KCNJ6: variants seen among roughly 807,000 people sequenced by gnomAD.
KCNJ6 encodes potassium inwardly rectifying channel subfamily J member 6.
KCNJ6 carries 9 observed loss-of-function variants against 34.2 expected under a neutral mutation model. The observed-to-expected ratio is 0.26, with a 90% CI of 0.16 to 0.46. The LOEUF (loss-of-function observed/expected upper bound fraction) is 0.46. Ranked by LOEUF, KCNJ6 falls within the 20% of genes least tolerant of loss-of-function variation. KCNJ6 has a pLI of 1.00. For synonymous variants in KCNJ6, 196 were observed against 207.1 expected (o/e 0.95, Z 0.46); for missense variants, 236 against 531.3 (o/e 0.44, Z 5.46).
chr21:37,793,324 A>T (rs1030578001), intron 2 of KCNJ6, among the ~76,000 whole-genome samples: 1 of 152,176 alleles, frequency 6.6e-6, no homozygotes, highest in African/African-American at 2.4e-5. Context: ...CTATGAAGAC[A>T]ACCAGACCTG....
intron 1 of KCNJ6, among the ~76,000 whole-genome samples, chr21:37,904,842 A>G (rs977602948): frequency 1.3e-5 from 2 of 152,036 alleles, no homozygotes; most frequent in Non-Finnish European, 2.9e-5. Context: ...AAATGGTCTC[A>G]TCATATTCAG....
intron 2 of KCNJ6, among the ~76,000 whole-genome samples, chr21:37,774,494 C>G (rs1425696617): frequency 6.9e-6 from 1 of 145,590 alleles, no homozygotes; most frequent in African/African-American, 2.5e-5. Flanking sequence ...TGCTATCCCT[C>G]CCCCCCTCCC....
At chr21:37,654,078 A>G (rs530476494) in intron 3 of KCNJ6, among the ~76,000 whole-genome samples, 4 of 151,248 alleles carry the variant, frequency 2.6e-5, no homozygotes, top group Non-Finnish European at 4.4e-5. Context: ...GTCTCTCAGA[A>G]TCCAAGAAAA....
At chr21:37,816,166 A>G (rs145430704) in intron 2 of KCNJ6, among the ~76,000 whole-genome samples, 2,147 of 152,270 alleles carry the variant, frequency 0.014, 14 homozygotes, top group Middle Eastern at 0.027. Flanking sequence ...GGGGAGTCCA[A>G]TGCCTGCCGC....
intron 1 of KCNJ6, among the ~76,000 whole-genome samples, chr21:37,884,031 T>C (rs962797455): frequency 3.9e-5 from 6 of 152,190 alleles, no homozygotes; most frequent in Non-Finnish European, 5.9e-5. Context: ...GGTAAGTCTA[T>C]GTGTCTCCTG....
intron 3 of KCNJ6, among the ~76,000 whole-genome samples, chr21:37,684,306 G>A (rs1170067644): frequency 6.6e-6 from 1 of 151,456 alleles, no homozygotes; most frequent in East Asian, 1.9e-4. Flanking sequence ...TCTTCACACG[G>A]CCTTCTCCCC....
At chr21:37,671,632 C>G (rs1031190665) in intron 3 of KCNJ6, among the ~76,000 whole-genome samples, 1 of 152,208 alleles carries the variant, frequency 6.6e-6, no homozygotes, top group African/African-American at 2.4e-5. Context: ...CTGGCATCTG[C>G]CGGGGTGGGG....
At chr21:37,626,130 C>CTTTTTT (rs10649366) in intron 3 of KCNJ6, among the ~76,000 whole-genome samples, 6 of 143,042 alleles carry the variant, frequency 4.2e-5, no homozygotes, top group African/African-American at 5.2e-5. Context: ...TTTCCCCCTT[C>CTTTTTT]TTTTTTTTTT....
intron 3 of KCNJ6, among the ~76,000 whole-genome samples, chr21:37,631,051 T>C (rs1444425241): frequency 4.6e-5 from 7 of 152,198 alleles, no homozygotes; most frequent in Non-Finnish European, 2.9e-5. Context: ...ACAGCACTTA[T>C]CAGAGTGTTT....
At chr21:37,767,611 G>A (rs967895171) in intron 2 of KCNJ6, among the ~76,000 whole-genome samples, 3 of 152,166 alleles carry the variant, frequency 2.0e-5, no homozygotes, top group Non-Finnish European at 4.4e-5. Flanking sequence ...TCAATACTGC[G>A]GAAGCTGAGA....
At chr21:37,689,262 G>A (rs1464102790) in intron 3 of KCNJ6, among the ~76,000 whole-genome samples, 1 of 152,166 alleles carries the variant, frequency 6.6e-6, no homozygotes, top group Non-Finnish European at 1.5e-5. Flanking sequence ...ACCATACTTA[G>A]TGAGATGAAA....
intron 3 of KCNJ6, among the ~76,000 whole-genome samples, chr21:37,660,568 A>G (rs555805952): frequency 8.5e-5 from 13 of 152,328 alleles, no homozygotes; most frequent in African/African-American, 2.9e-4. Context: ...TGTTCCCATA[A>G]GGACCAAACA....
chr21:37,846,881 A>G (rs1238305287), intron 1 of KCNJ6, among the ~76,000 whole-genome samples: 1 of 151,790 alleles, frequency 6.6e-6, no homozygotes, highest in Non-Finnish European at 1.5e-5. Flanking sequence ...GCCCCTCCTC[A>G]CCTTCCCCCC....
chr21:37,861,929 T>C (rs188624870), intron 1 of KCNJ6, among the ~76,000 whole-genome samples: 9 of 152,282 alleles, frequency 5.9e-5, no homozygotes, highest in Admixed American at 2.6e-4. Context: ...AGGGTGTGGG[T>C]ACCCTGAGCT....
chr21:37,848,000 C>A (rs2055518384), intron 1 of KCNJ6, among the ~76,000 whole-genome samples: 1 of 152,158 alleles, frequency 6.6e-6, no homozygotes, highest in Non-Finnish European at 1.5e-5. Context: ...TGAGGAGCAG[C>A]AGGTCACAGG....
intron 2 of KCNJ6, among the ~76,000 whole-genome samples, chr21:37,822,808 T>C (rs909051661): frequency 6.6e-6 from 1 of 152,160 alleles, no homozygotes; most frequent in Non-Finnish European, 1.5e-5. Flanking sequence ...TTTTAATAAA[T>C]ATTTAGATTG....
At chr21:37,860,224 G>A (rs758793388) in intron 1 of KCNJ6, among the ~76,000 whole-genome samples, 1 of 152,004 alleles carries the variant, frequency 6.6e-6, no homozygotes, top group South Asian at 2.1e-4. Flanking sequence ...TCATAATTTA[G>A]CCCTTAATTG....
At chr21:37,762,817 C>A (rs57588802) in intron 2 of KCNJ6, among the ~76,000 whole-genome samples, 7,770 of 152,272 alleles carry the variant, frequency 0.051, 662 homozygotes, top group African/African-American at 0.18. Flanking sequence ...AGCCCCACTC[C>A]AAGCCAATGA....
At position 37,865,144 on chromosome 21, in the gene KCNJ6, C is replaced by T. The variant is rs139510937; in HGVS notation, c.-27-24435G>A. On this transcript the variant is annotated intron_variant, in intron 1 of 3. Coordinates refer to ENST00000609713, the MANE Select transcript of KCNJ6 (RefSeq NM_002240.5). Reference sequence around the variant, plus strand: ...AAACATAATTTGTGTACAGAAACTCCGTGTAGGAGTGTTAGAAAAGCTGGA... The same window carrying T: ...AAACATAATTTGTGTACAGAAACTCTGTGTAGGAGTGTTAGAAAAGCTGGA... 3.8e-3 allele frequency among the ~76,000 whole-genome samples: 583 copies of T among 152,212 alleles called. 1 individual carries two copies. Among genetic ancestry groups the T allele is most frequent in the African/African-American group, 0.013 (520 of 41,534 alleles).
Sources: gnomAD v4.1 joint callset for allele counts (sites outside exome capture counted in the v4.1 genomes callset) on GRCh38, gnomAD v4.1.1 for gene constraint, MANE v1.5 for transcripts, NCBI Gene and HGNC (gene_info 2026-07-23, HGNC 2026-07-21) for gene names.